PRELID2: variants seen among roughly 807,000 people sequenced by gnomAD.
PRELID2 encodes PRELI domain-containing protein 2.
PRELID2 carries 25 observed loss-of-function variants against 28.4 expected under a neutral mutation model. The ratio of observed to expected loss-of-function variants is 0.88; its 90% CI spans 0.64 to 1.23. PRELID2 has a LOEUF of 1.23. Ranked by LOEUF, PRELID2 falls within the 50% of genes most tolerant of loss-of-function variation. The pLI, the probability that PRELID2 is intolerant of heterozygous loss-of-function variation, is 0.00. For synonymous variants in PRELID2, 76 were observed against 71.6 expected (o/e 1.06, Z -0.31); for missense variants, 201 against 214.4 (o/e 0.94, Z 0.39).
chr5:145,389,913 A>G, the PRELID2 span, among the ~76,000 whole-genome samples: 1 of 152,246 alleles, frequency 6.6e-6, no homozygotes, highest in African/African-American at 2.4e-5. Flanking sequence ...ACCCAAGTAA[A>G]CAATGCTAGT....
intron 1 of PRELID2, among the ~76,000 whole-genome samples, chr5:145,715,240 C>G (rs150047215): frequency 2.0e-5 from 3 of 152,174 alleles, no homozygotes; most frequent in Non-Finnish European, 4.4e-5. Context: ...CACCGAATTA[C>G]TCAAGCCAAA....
In PRELID2 at chr5:145,644,722, T is replaced by C. The variant is rs375694204; in HGVS notation, n.70+120209A>G. Among the ~76,000 whole-genome samples, 19 of 152,344 alleles carry C rather than the reference T, an allele frequency of 1.2e-4. No individual in the cohort carries two copies. The East Asian group carries it at 2.3e-3, about 19-fold the overall frequency. ...AGATTCTGGTATGTTGTGTCTTTGT[T>C]CTTATTGGTTTCAAAGAACATCTTT... On this transcript the variant is annotated intron_variant and non_coding_transcript_variant, in intron 1 of 2. Transcript: ENST00000510259.
the PRELID2 span, among the ~76,000 whole-genome samples, chr5:145,333,078 G>T: frequency 1.3e-5 from 2 of 152,190 alleles, no homozygotes; most frequent in Admixed American, 6.5e-5. Flanking sequence ...GACACTGTTT[G>T]CCTGGGTATC....
At chr5:145,808,523 A>C (rs1037039567) in intron 4 of PRELID2, among the ~76,000 whole-genome samples, 4 of 152,186 alleles carry the variant, frequency 2.6e-5, no homozygotes, top group African/African-American at 9.7e-5. Flanking sequence ...AAAAAGTTGT[A>C]TCCATATCTA....
At chr5:145,318,429 A>G in the PRELID2 span, among the ~76,000 whole-genome samples, 2 of 152,230 alleles carry the variant, frequency 1.3e-5, no homozygotes, top group East Asian at 1.9e-4. Context: ...AAAGAATCAT[A>G]AAATAACTCA....
the PRELID2 span, among the ~76,000 whole-genome samples, chr5:145,339,605 G>A: frequency 6.6e-6 from 1 of 152,168 alleles, no homozygotes; most frequent in African/African-American, 2.4e-5. Flanking sequence ...GGCCTTGGAC[G>A]ACGTTGTTGC....
chr5:145,751,204 G>A (rs916776847), intron 1 of PRELID2, among the ~76,000 whole-genome samples: 3 of 152,158 alleles, frequency 2.0e-5, no homozygotes, highest in African/African-American at 7.2e-5. Context: ...TAGTAACTAA[G>A]AGCTCTATAT....
chr5:145,642,376 T>C (rs1042209074), intron 1 of PRELID2, among the ~76,000 whole-genome samples: 23 of 152,342 alleles, frequency 1.5e-4, no homozygotes, highest in African/African-American at 5.5e-4. Context: ...GTTTTTTACT[T>C]GTAAAGTTAT....
the PRELID2 span, among the ~76,000 whole-genome samples, chr5:145,371,437 C>A: frequency 1.3e-5 from 2 of 152,172 alleles, no homozygotes; most frequent in Admixed American, 1.3e-4. Context: ...TATGTTGAAC[C>A]AGGCTTGCAT....
the PRELID2 span, among the ~76,000 whole-genome samples, chr5:145,294,958 C>CA: frequency 2.0e-5 from 3 of 151,978 alleles, no homozygotes; most frequent in African/African-American, 7.2e-5. Flanking sequence ...TCTGTGAGAG[C>CA]AAAAAACACA....
At chr5:145,340,311 C>T in the PRELID2 span, among the ~76,000 whole-genome samples, 2 of 152,154 alleles carry the variant, frequency 1.3e-5, no homozygotes, top group African/African-American at 4.8e-5. Context: ...TCACAGTCAC[C>T]ACCAACATAG....
chr5:145,377,709 C>T, the PRELID2 span, among the ~76,000 whole-genome samples: 3 of 152,102 alleles, frequency 2.0e-5, no homozygotes, highest in African/African-American at 7.2e-5. Context: ...GTAAATTTTT[C>T]TCCATCCCTT....
intron 1 of PRELID2, among the ~76,000 whole-genome samples, chr5:145,606,214 CAG>C (rs1225045519): frequency 1.3e-5 from 2 of 152,122 alleles, no homozygotes; most frequent in Non-Finnish European, 2.9e-5. Flanking sequence ...CATCTACAAA[CAG>C]AGATAGTTTG....
the PRELID2 span, among the ~76,000 whole-genome samples, chr5:145,357,690 C>A: frequency 1.2e-4 from 18 of 152,246 alleles, no homozygotes; most frequent in Non-Finnish European, 2.4e-4. Context: ...TTTTGACTTT[C>A]TCCTGAATGT....
At chr5:145,831,564 C>A (rs1755589386) in intron 1 of PRELID2, among the ~76,000 whole-genome samples, 1 of 152,160 alleles carries the variant, frequency 6.6e-6, no homozygotes, top group Admixed American at 6.5e-5. Flanking sequence ...GGAAAATTCA[C>A]CCAGCAAATG....
intron 1 of PRELID2, among the ~76,000 whole-genome samples, chr5:145,705,832 C>G (rs952101727): frequency 4.0e-5 from 6 of 151,804 alleles, no homozygotes; most frequent in African/African-American, 1.2e-4. Flanking sequence ...TTACATGTCA[C>G]CAAATAATAT....
At chr5:145,463,359 T>TA in the PRELID2 span, among the ~76,000 whole-genome samples, 1 of 150,448 alleles carries the variant, frequency 6.6e-6, no homozygotes, top group Non-Finnish European at 1.5e-5. Context: ...TTTTTTTTTT[T>TA]AGTGTCTTTA....
chr5:145,542,662 A>T (rs1483034506), intron 1 of PRELID2, among the ~76,000 whole-genome samples: 1 of 152,160 alleles, frequency 6.6e-6, no homozygotes, highest in African/African-American at 2.4e-5. Context: ...TGATTTGTTG[A>T]AACTGACCTC....
At chr5:145,515,546 T>C (rs1265049590) in intron 1 of PRELID2, among the ~76,000 whole-genome samples, 2 of 152,172 alleles carry the variant, frequency 1.3e-5, no homozygotes, top group Non-Finnish European at 2.9e-5. Flanking sequence ...CATTCACAGA[T>C]GGATTCTACC....
Sources: allele counts gnomAD v4.1 joint callset (sites outside exome capture counted in the v4.1 genomes callset), GRCh38; gene constraint gnomAD v4.1.1; transcripts MANE v1.5; gene names NCBI Gene and HGNC (gene_info 2026-07-23, HGNC 2026-07-21).